USP13: variants seen among roughly 807,000 people sequenced by gnomAD.
The protein encoded by USP13 is ubiquitin carboxyl-terminal hydrolase 13.
Under a neutral mutation model 107.8 loss-of-function variants are expected in USP13, and 68 were observed. The ratio of observed to expected loss-of-function variants is 0.63; its 90% CI spans 0.52 to 0.77. The LOEUF (loss-of-function observed/expected upper bound fraction) is 0.77, where lower values mean the gene tolerates loss of function less well. USP13 is among the 30% of genes least tolerant of loss of function. The pLI is 0.00. For synonymous variants in USP13, 377 were observed against 389.5 expected (o/e 0.97, Z 0.38); for missense variants, 945 against 1,093.3 (o/e 0.86, Z 1.91).
In USP13 at chr3:179,784,724, A is replaced by G. The variant is rs1204189536; in HGVS notation, c.*583A>G. 6.6e-6 allele frequency: 1 copy of G among 152,282 alleles called. No individual in the cohort carries two copies. Among genetic ancestry groups the G allele is most frequent in the African/African-American group, 2.4e-5 (1 of 41,460 alleles). 9.4% of individuals were successfully genotyped at this position (152,282 alleles called of 1,614,324 possible). A position where few individuals can be genotyped will look rare whatever the true frequency, so the allele number is the denominator to read the frequency against. ...TTTAATTTGTCACATTAAAATTCAT[A>G]ATACGATTGTGTGAATGTGTGTGAG... On this transcript the variant is annotated 3_prime_UTR_variant, in exon 21 of 21. Transcript: ENST00000263966.
intron 19 of USP13, among the ~76,000 whole-genome samples, chr3:179,776,196 T>C (rs1312796649): frequency 6.6e-6 from 1 of 152,174 alleles, no homozygotes; most frequent in Non-Finnish European, 1.5e-5. Context: ...ATGAACCAGA[T>C]AATACATGTT....
intron 1 of USP13, among the ~76,000 whole-genome samples, chr3:179,655,132 A>G (rs1720213122): frequency 6.6e-6 from 1 of 152,154 alleles, no homozygotes. Flanking sequence ...TACCTCCAGG[A>G]AGAAGAAAGT....
intron 19 of USP13, among the ~76,000 whole-genome samples, chr3:179,775,220 G>A (rs376594290): frequency 2.0e-5 from 3 of 152,048 alleles, no homozygotes; most frequent in Admixed American, 6.5e-5. Context: ...CATGCTGATC[G>A]GTGCATTTAC....
At chr3:179,680,422 T>A (rs1196038122) in intron 1 of USP13, among the ~76,000 whole-genome samples, 4 of 152,206 alleles carry the variant, frequency 2.6e-5, no homozygotes, top group African/African-American at 9.6e-5. Context: ...ATCCCTAATC[T>A]GAAAATCGGA....
chr3:179,663,917 G>T (rs1720518933), intron 1 of USP13, among the ~76,000 whole-genome samples: 1 of 152,178 alleles, frequency 6.6e-6, no homozygotes, highest in East Asian at 1.9e-4. Context: ...GATGTTCTTT[G>T]TGAGGACTCC....
intron 19 of USP13, among the ~76,000 whole-genome samples, chr3:179,780,254 T>C (rs1353556021): frequency 6.6e-6 from 1 of 152,136 alleles, no homozygotes; most frequent in Non-Finnish European, 1.5e-5. Flanking sequence ...GAAAAAGAAG[T>C]AAAAGTTATT....
intron 19 of USP13, among the ~76,000 whole-genome samples, chr3:179,775,833 G>A (rs1219601734): frequency 1.3e-5 from 2 of 152,102 alleles, no homozygotes; most frequent in African/African-American, 4.8e-5. Context: ...GCGCAGCCCC[G>A]GTTCCTGCCT....
intron 3 of USP13, among the ~76,000 whole-genome samples, chr3:179,692,537 A>G (rs1712149676): frequency 6.6e-6 from 1 of 152,226 alleles, no homozygotes; most frequent in African/African-American, 2.4e-5. Context: ...CATGAACCCC[A>G]AAGCTGAAAT....
rs576699672 is a variant in USP13, at chr3:179,658,252, C to A, written c.168+4859C>A. On this transcript the variant is annotated intron_variant, in intron 1 of 20. Transcript: ENST00000263966. Reference sequence around the variant, plus strand: ...TACAGGCGGGAGCCACTGCACCTGGCCAACTGATTTCCTTTTCTAAGACCA... The same window carrying A: ...TACAGGCGGGAGCCACTGCACCTGGACAACTGATTTCCTTTTCTAAGACCA... Among the ~76,000 whole-genome samples the A allele has an allele frequency of 1.3e-4, 20 of 152,314 alleles. No individual in the cohort carries two copies. The South Asian group carries it at 1.9e-3, about 14-fold the overall frequency.
chr3:179,690,278 G>C lies in USP13; in HGVS notation c.332G>C (p.Arg111Thr). 1 of 1,613,940 alleles carries C rather than the reference G, an allele frequency of 6.2e-7. No homozygotes were observed. The highest frequency in any genetic ancestry group is 1.6e-4 in the Middle Eastern group (1 of 6,062). The change falls in exon 3 of 21, where the codon AGG (arginine) becomes ACG (threonine). Residue 111 changes from arginine to threonine, a missense_variant. Coordinates refer to ENST00000263966, the MANE Select transcript of USP13 (RefSeq NM_003940.3). ...RGASGGALPK[R>T]RNSKIFLDLD... ...GCGTCTGGTGGAGCGTTACCAAAAAGGAGGAATTCCAAGATTTTTTTAGGT... is the reference window on the plus strand; with the variant it reads ...GCGTCTGGTGGAGCGTTACCAAAAACGAGGAATTCCAAGATTTTTTTAGGT...
At chr3:179,780,559 C>T (rs946707318) in intron 19 of USP13, among the ~76,000 whole-genome samples, 8 of 151,988 alleles carry the variant, frequency 5.3e-5, no homozygotes, top group Non-Finnish European at 1.2e-4. Context: ...GGTTTGAACC[C>T]CAGATCACCA....
intron 1 of USP13, among the ~76,000 whole-genome samples, chr3:179,670,771 C>T (rs1181655048): frequency 6.6e-6 from 1 of 152,010 alleles, no homozygotes; most frequent in African/African-American, 2.4e-5. Context: ...GATCTCCGCT[C>T]ACTGCAACCT....
In USP13 at chr3:179,721,644, T is replaced by C; in HGVS notation, c.1088+55T>C. On this transcript the variant is annotated intron_variant, in intron 8 of 20. Coordinates refer to ENST00000263966, the MANE Select transcript of USP13 (RefSeq NM_003940.3). The surrounding 1 kb of genome is among the most constrained non-coding windows in gnomAD (Gnocchi z 4.3). ...GCGGCACCTCCCTGCCCCATCTAGG[T>C]CCAGTCCACTCAGTGTGCGCTGCGA... 1 of 1,564,918 alleles carries C rather than the reference T, an allele frequency of 6.4e-7. No individual in the cohort carries two copies. Among genetic ancestry groups the C allele is most frequent in the South Asian group, 1.2e-5 (1 of 84,690 alleles).
intron 2 of USP13, 71 bp downstream of exon 2, chr3:179,682,074 C>T (rs1179553207): frequency 6.6e-6 from 10 of 1,507,634 alleles, no homozygotes; most frequent in African/African-American, 1.4e-5. Context: ...TGCTTTCTCA[C>T]GTGGAAATTT....
chr3:179,707,177 A>G (rs1712751912), intron 5 of USP13, 101 bp downstream of exon 5: 9 of 1,390,370 alleles, frequency 6.5e-6, no homozygotes, highest in Non-Finnish European at 8.6e-6. Flanking sequence ...ATTTTTTCTT[A>G]CCAGATGCCT....
At chr3:179,669,126 C>T (rs2108441475) in intron 1 of USP13, among the ~76,000 whole-genome samples, 1 of 152,316 alleles carries the variant, frequency 6.6e-6, no homozygotes, top group South Asian at 2.1e-4. Flanking sequence ...CCACATGCCT[C>T]TACATCTAAT....
chr3:179,676,592 G>A (rs1720897449), intron 1 of USP13, among the ~76,000 whole-genome samples: 1 of 152,216 alleles, frequency 6.6e-6, no homozygotes, highest in Non-Finnish European at 1.5e-5. Flanking sequence ...GTTGGGAGCA[G>A]AGGCCATCGG....
At chr3:179,700,508 CA>C in intron 3 of USP13, among the ~76,000 whole-genome samples, 1 of 152,116 alleles carries the variant, frequency 6.6e-6, no homozygotes, top group African/African-American at 2.4e-5. Context: ...CCCAAAGTAA[CA>C]TTAAGTTTTG....
intron 1 of USP13, among the ~76,000 whole-genome samples, chr3:179,664,634 C>G (rs1720536275): frequency 6.6e-6 from 1 of 152,152 alleles, no homozygotes; most frequent in Non-Finnish European, 1.5e-5. Flanking sequence ...TAGGACTCCC[C>G]TTGTTCCCAG....
Sources: gnomAD v4.1 joint callset for allele counts (sites outside exome capture counted in the v4.1 genomes callset) on GRCh38, gnomAD v4.1.1 for gene constraint, Gnocchi (gnomAD v3.1) non-coding constraint, MANE v1.5 for transcripts, NCBI Gene and HGNC (gene_info 2026-07-23, HGNC 2026-07-21) for gene names.